The following LARP1 variants were observed in gnomAD, a reference collection of about 807,000 sequenced individuals.
The protein encoded by LARP1 is la-related protein 1.
A neutral mutation model predicts 122.7 loss-of-function variants in LARP1; 36 were observed. That is an observed-to-expected ratio of 0.29 (90% confidence interval 0.22 to 0.39). The LOEUF is 0.39. Ranked by LOEUF, LARP1 falls within the 10% of genes least tolerant of loss-of-function variation. The probability of loss-of-function intolerance (pLI) is 1.00; values close to 1 mark genes in which losing one functional copy is unlikely to be tolerated. For synonymous variants in LARP1, 539 were observed against 528.7 expected, an observed-to-expected ratio of 1.02 and a Z score of -0.27; for missense variants, 1,040 against 1,403.6, an observed-to-expected ratio of 0.74 and a Z score of 4.14.
intron 1 of LARP1, among the ~76,000 whole-genome samples, chr5:154,733,541 T>C (rs1297765613): frequency 7.1e-6 from 1 of 141,486 alleles, no homozygotes; most frequent in Non-Finnish European, 1.5e-5. Flanking sequence ...ATAACCTCTG[T>C]TTTTTCTTTT....
chr5:154,801,953 T>C (rs1758385133), intron 10 of LARP1, 54 bp from the exon 11 acceptor site: 1 of 1,529,954 alleles, frequency 6.5e-7, no homozygotes, highest in Non-Finnish European at 8.8e-7. Context: ...AGCTACAGAA[T>C]CTGGGCCAAG....
At chr5:154,800,789 G>A (rs1758286329) in intron 10 of LARP1, among the ~76,000 whole-genome samples, 1 of 152,102 alleles carries the variant, frequency 6.6e-6, no homozygotes, top group Non-Finnish European at 1.5e-5. Context: ...TGAACTTTGG[G>A]TCTATGGAAT....
rs903770838 is a variant in LARP1 at position 154,695,262 on chromosome 5, A to C, written c.-180+12225A>C. 6.6e-5 allele frequency among the ~76,000 whole-genome samples: 10 copies of C among 152,034 alleles called. No homozygotes were observed. The East Asian group carries it at 1.9e-3, about 29-fold the overall frequency. On this transcript the variant is annotated intron_variant, in intron 1 of 18. Coordinates refer to the LARP1 transcript ENST00000687700. ...GGGAGGCGGAGCTTGCAGTAAGCAGAGATCGCCTCACTGCACTCCAGCCTG... is the reference window on the plus strand; with the variant it reads ...GGGAGGCGGAGCTTGCAGTAAGCAGCGATCGCCTCACTGCACTCCAGCCTG...
chr5:154,787,185 G>C (rs1227376352), intron 1 of LARP1, among the ~76,000 whole-genome samples: 1 of 152,202 alleles, frequency 6.6e-6, no homozygotes, highest in African/African-American at 2.4e-5. Flanking sequence ...GGCTATAACT[G>C]TTTTCTTGAC....
chr5:154,782,675 C>T (rs1428299696), intron 1 of LARP1, among the ~76,000 whole-genome samples: 2 of 152,220 alleles, frequency 1.3e-5, no homozygotes, highest in African/African-American at 4.8e-5. Context: ...CTGACCTGAA[C>T]ATTTCTCTCC....
chr5:154,730,864 T>G (rs1281937309), intron 1 of LARP1, among the ~76,000 whole-genome samples: 4 of 134,774 alleles, frequency 3.0e-5, no homozygotes, highest in South Asian at 2.4e-4. Context: ...CCATTCTGAC[T>G]TTTTTTTTTT....
Position 154,799,714 on chromosome 5 carries a change from A to G in LARP1, c.1501A>G (p.Asn501Asp), listed in dbSNP as rs1233350490. ...YSQTDFSQLL[N>D]CPEFVPRQHY... ...ACAGACTGATTTCTCCCAGCTTCTC[A>G]ACTGCCCTGAATTTGTTCCCCGTCA... The change falls in exon 9 of 19, where the codon AAC (asparagine) becomes GAC (aspartate). Residue 501 changes from asparagine to aspartate, a missense_variant. By Grantham distance (23) the Asn-to-Asp change is conservative. This residue lies in a region of LARP1 where 362 missense variants were observed against 533.1 expected (regional missense o/e 0.68). Transcript: ENST00000518297. The G allele has an allele frequency of 6.2e-7, 1 of 1,614,172 alleles. No homozygotes were observed. Among genetic ancestry groups the G allele is most frequent in the Non-Finnish European group, 8.5e-7 (1 of 1,180,030 alleles).
intron 1 of LARP1, among the ~76,000 whole-genome samples, chr5:154,774,037 A>G (rs12188828): frequency 0.16 from 24,759 of 151,212 alleles, 2,606 homozygotes; most frequent in African/African-American, 0.3. Flanking sequence ...AGATTTGTAG[A>G]AGCCTGGCTT....
At chr5:154,723,456 GA>G (rs1354259715) in intron 1 of LARP1, among the ~76,000 whole-genome samples, 1 of 152,128 alleles carries the variant, frequency 6.6e-6, no homozygotes, top group African/African-American at 2.4e-5. Flanking sequence ...CTGGGATGGG[GA>G]AAGTTGGGAA....
chr5:154,691,636 C>T (rs1352153447), intron 1 of LARP1, among the ~76,000 whole-genome samples: 1 of 152,214 alleles, frequency 6.6e-6, no homozygotes, highest in African/African-American at 2.4e-5. Flanking sequence ...TGCACAAGGT[C>T]AGGGAGGATC....
intron 1 of LARP1, among the ~76,000 whole-genome samples, chr5:154,776,268 C>A (rs573559717): frequency 6.6e-6 from 1 of 152,206 alleles, no homozygotes; most frequent in African/African-American, 2.4e-5. Flanking sequence ...AACCTTCATT[C>A]TTCTGGCAAA....
At chr5:154,781,194 T>C (rs1282403789) in intron 1 of LARP1, among the ~76,000 whole-genome samples, 1 of 152,194 alleles carries the variant, frequency 6.6e-6, no homozygotes, top group Non-Finnish European at 1.5e-5. Context: ...TGTAGTTGTG[T>C]GTGCCTAGCA....
At chr5:154,744,706 C>T (rs1160137229) in intron 1 of LARP1, among the ~76,000 whole-genome samples, 4 of 95,744 alleles carry the variant, frequency 4.2e-5, no homozygotes, top group Non-Finnish European at 5.6e-5. Context: ...GGCGGGATCT[C>T]GGCTCACTGC....
chr5:154,712,362 G>A (rs796619761), upstream of LARP1, among the ~76,000 whole-genome samples: 12 of 152,318 alleles, frequency 7.9e-5, 1 homozygote, highest in African/African-American at 2.6e-4. Context: ...AGAACCGTAT[G>A]GGAAGTCAAA....
intron 17 of LARP1, 72 bp from the exon 18 acceptor site, chr5:154,811,441 C>A (rs377199816): frequency 6.2e-7 from 1 of 1,611,464 alleles, no homozygotes; most frequent in South Asian, 1.1e-5. Flanking sequence ...CTGTGTATTA[C>A]ACAACACCTC....
At chr5:154,710,644 G>A (rs1755170504), upstream of LARP1, among the ~76,000 whole-genome samples, 1 of 150,908 alleles carries the variant, frequency 6.6e-6, no homozygotes, top group Non-Finnish European at 1.5e-5. Flanking sequence ...TCAGGAGGCT[G>A]AGGCAGGAGA....
At position 154,697,944 on chromosome 5, in the gene LARP1, G is replaced by A. The variant is rs375719580; in HGVS notation, c.-180+14907G>A. On this transcript the variant is annotated intron_variant, in intron 1 of 18. Transcript: ENST00000687700. ...GGGCTCAAGTGATCCTCTCGCCTCA[G>A]TCTCCCAAGTAGCTGAGACTGCAGT... is the stretch of plus-strand genomic sequence containing the variant. 2.2e-3 allele frequency among the ~76,000 whole-genome samples: 342 copies of A among 152,160 alleles called. 4 individuals are homozygous for A. The highest frequency in any genetic ancestry group is 7.8e-3 in the African/African-American group (324 of 41,518).
At chr5:154,764,411 C>G (rs928338400) in intron 1 of LARP1, among the ~76,000 whole-genome samples, 2 of 151,036 alleles carry the variant, frequency 1.3e-5, no homozygotes, top group African/African-American at 4.9e-5. Context: ...CAAGACCAGC[C>G]TGGGCAACAT....
intron 1 of LARP1, among the ~76,000 whole-genome samples, chr5:154,696,138 C>T (rs1341947615): frequency 1.3e-5 from 2 of 152,130 alleles, no homozygotes; most frequent in African/African-American, 4.8e-5. Flanking sequence ...AGGGAGATTG[C>T]TTGAGACCAG....
Sources: gnomAD v4.1 joint callset for allele counts (sites outside exome capture counted in the v4.1 genomes callset) on GRCh38, gnomAD v4.1.1 for gene constraint, gnomAD v4.1.1 regional missense constraint, MANE v1.5 for transcripts, NCBI Gene and HGNC (gene_info 2026-07-23, HGNC 2026-07-21) for gene names.